The following ANKRD27 variants were observed in gnomAD, a reference collection of about 807,000 sequenced individuals.
The protein encoded by ANKRD27 is ankyrin repeat domain-containing protein 27.
Under a neutral mutation model 129.7 loss-of-function variants are expected in ANKRD27, and 112 were observed. That is an observed-to-expected ratio of 0.86 (90% CI 0.74 to 1.01). The LOEUF is 1.01. Among genes scored for constraint, ANKRD27 ranks in the 50% least tolerant of loss-of-function variants. ANKRD27 has a pLI of 0.00. For synonymous variants in ANKRD27, 516 were observed against 511.2 expected (o/e 1.01, Z -0.13); for missense variants, 1,258 against 1,300.5 (o/e 0.97, Z 0.50).
At chr19:32,665,911 C>T (rs259268) in intron 1 of ANKRD27, among the ~76,000 whole-genome samples, 105,693 of 151,866 alleles carry the variant, frequency 0.7, 36,913 homozygotes, top group Non-Finnish European at 0.71. Flanking sequence ...ACAGACTACA[C>T]GCCACAACAC....
Position 32,631,448 on chromosome 19 carries a change from C to T in ANKRD27, c.1163G>A (p.Ser388Asn), listed in dbSNP as rs1337853580. 2 of 1,614,174 alleles carry T rather than the reference C, an allele frequency of 1.2e-6. No homozygotes were observed. Among genetic ancestry groups the T allele is most frequent in the African/African-American group, 1.3e-5 (1 of 75,040 alleles). Reference sequence around the variant, plus strand: ...AGACGAAGTCATCTGAGAGAGTAAGCTCATTCTCTGCTTAAGGAACAGCCT... The same window carrying T: ...AGACGAAGTCATCTGAGAGAGTAAGTTCATTCTCTGCTTAAGGAACAGCCT... The part of the protein sequence containing the change: ...GDRLFLKQRM[S>N]LLSQMTSSPT... Residue 388 changes from serine (S) to asparagine (N), a missense_variant, in exon 13 of 29, where the codon AGC becomes AAC. Physicochemically the swap from Ser to Asn is conservative, Grantham distance 46. Transcript: ENST00000306065.
chr19:32,626,038 AG>A, intron 16 of ANKRD27, 72 bp from the exon 17 acceptor site: 2 of 1,267,038 alleles, frequency 1.6e-6, no homozygotes, highest in Admixed American at 2.8e-5. Context: ...CAGTCTTAGC[AG>A]GGGGAGGTCA....
At chr19:32,641,102 C>T (rs891912382) in intron 10 of ANKRD27, among the ~76,000 whole-genome samples, 3 of 151,874 alleles carry the variant, frequency 2.0e-5, no homozygotes, top group East Asian at 3.9e-4. Context: ...AGGGTTTCAC[C>T]GTGCTAGCCA....
chr19:32,662,391 T>C (rs1967663825), intron 1 of ANKRD27, among the ~76,000 whole-genome samples: 1 of 150,754 alleles, frequency 6.6e-6, no homozygotes. Context: ...GTGACTTGCT[T>C]CAACCAACAG....
intron 9 of ANKRD27, 58 bp downstream of exon 9, chr19:32,643,065 G>A (rs1391637189): frequency 6.4e-7 from 1 of 1,560,950 alleles, no homozygotes; most frequent in Admixed American, 1.7e-5. Context: ...CCTGCTTCCG[G>A]GAGAAGACAG....
chr19:32,637,923 T>G (rs1251191209), intron 12 of ANKRD27: 1 of 152,242 alleles, frequency 6.6e-6, no homozygotes. Context: ...CCTCCAAGAT[T>G]TTGGGCGCTG....
intron 25 of ANKRD27, among the ~76,000 whole-genome samples, chr19:32,603,022 G>A (rs1406513346): frequency 2.0e-5 from 3 of 152,148 alleles, no homozygotes; most frequent in African/African-American, 7.2e-5. Flanking sequence ...AAGGAGGCCA[G>A]GCACAGTGGC....
Position 32,643,411 on chromosome 19 carries a change from C to T in ANKRD27, c.639+20G>A. The T allele has an allele frequency of 6.2e-7, 1 of 1,613,836 alleles. No homozygotes were observed. The highest frequency in any genetic ancestry group is 8.5e-7 in the Non-Finnish European group (1 of 1,180,006). On this transcript the variant is annotated intron_variant, in intron 7 of 28. Transcript: ENST00000306065. The stretch of plus-strand genomic sequence containing the variant: ...GCGGGCAACAGGGTGTGCCTCCCAG[C>T]CACTCCGCCCCACCCTCACCTCCAC...
chr19:32,625,788 A>C (rs1189784038), intron 17 of ANKRD27, 86 bp downstream of exon 17: 1 of 1,169,800 alleles, frequency 8.5e-7, no homozygotes, highest in Non-Finnish European at 1.2e-6. Context: ...AATTATCGAC[A>C]CAAAATACAT....
chr19:32,609,713 G>A (rs1269359061), intron 22 of ANKRD27, among the ~76,000 whole-genome samples: 1 of 152,108 alleles, frequency 6.6e-6, no homozygotes, highest in Non-Finnish European at 1.5e-5. Flanking sequence ...TCTTGCAAGT[G>A]AGGGAAACGT....
At chr19:32,636,698 G>GA (rs1013271020) in intron 12 of ANKRD27, among the ~76,000 whole-genome samples, 7 of 144,860 alleles carry the variant, frequency 4.8e-5, no homozygotes, top group South Asian at 2.2e-4. Context: ...ATTCTTTTGG[G>GA]AAAAAAACAG....
At chr19:32,641,474 T>C (rs1024767287) in intron 10 of ANKRD27, among the ~76,000 whole-genome samples, 15 of 152,170 alleles carry the variant, frequency 9.9e-5, no homozygotes, top group Admixed American at 3.3e-4. Flanking sequence ...CATTTAAAAA[T>C]TCAAACAATA....
intron 18 of ANKRD27, among the ~76,000 whole-genome samples, chr19:32,620,275 G>GAA (rs1351393682): frequency 1.3e-5 from 2 of 151,654 alleles, no homozygotes; most frequent in Admixed American, 1.3e-4. Context: ...AAAAAAGAGG[G>GAA]AAGCCGGGCG....
intron 24 of ANKRD27, among the ~76,000 whole-genome samples, chr19:32,604,939 G>C (rs530123313): frequency 6.6e-6 from 1 of 152,052 alleles, no homozygotes; most frequent in Non-Finnish European, 1.5e-5. Flanking sequence ...GGGCATGGTG[G>C]TGGGCGCCTG....
chr19:32,672,534 T>C (rs10408280), intron 1 of ANKRD27, among the ~76,000 whole-genome samples: 7,515 of 152,092 alleles, frequency 0.049, 571 homozygotes, highest in African/African-American at 0.15. Flanking sequence ...ACTGTCCATA[T>C]CCAGGGTAGG....
intron 10 of ANKRD27, among the ~76,000 whole-genome samples, chr19:32,641,586 G>A (rs2145299440): frequency 6.6e-6 from 1 of 152,224 alleles, no homozygotes; most frequent in African/African-American, 2.4e-5. Flanking sequence ...GGACAGCTAT[G>A]AGCTCACCAT....
Position 32,604,246 on chromosome 19 carries a change from C to T in ANKRD27, c.2655+17G>A, listed in dbSNP as rs775153518. ...GGAGCTCAGGATTCCCTCGGCTCTTCGACCCTCTCCACCTACCTGTTCAGC... is the reference window on the plus strand; with the variant it reads ...GGAGCTCAGGATTCCCTCGGCTCTTTGACCCTCTCCACCTACCTGTTCAGC... On this transcript the variant is annotated intron_variant, in intron 25 of 28. Transcript: ENST00000306065. 3.2e-6 allele frequency: 5 copies of T among 1,585,604 alleles called. No individual in the cohort carries two copies. Among genetic ancestry groups the T allele is most frequent in the African/African-American group, 2.7e-5 (2 of 74,406 alleles).
At chr19:32,672,082 G>C (rs1967881446) in intron 1 of ANKRD27, among the ~76,000 whole-genome samples, 1 of 152,162 alleles carries the variant, frequency 6.6e-6, no homozygotes, top group Non-Finnish European at 1.5e-5. Flanking sequence ...ATTCAGCATG[G>C]GGGAATTCAG....
intron 26 of ANKRD27, among the ~76,000 whole-genome samples, chr19:32,601,642 G>A (rs1012338486): frequency 2.7e-5 from 4 of 149,826 alleles, no homozygotes; most frequent in African/African-American, 7.4e-5. Context: ...AATCTTGAAA[G>A]GTAGCATTTA....
Sources: allele counts gnomAD v4.1 joint callset (sites outside exome capture counted in the v4.1 genomes callset), GRCh38; gene constraint gnomAD v4.1.1; transcripts MANE v1.5; gene names NCBI Gene and HGNC (gene_info 2026-07-23, HGNC 2026-07-21).